The following ZNF423 variants were observed in gnomAD, a reference collection of about 807,000 sequenced individuals.
ZNF423 encodes the protein Ebf-associated zinc finger protein.
ZNF423 carries 12 observed loss-of-function variants against 95.8 expected under a neutral mutation model. The ratio of observed to expected loss-of-function variants is 0.13; its 90% CI spans 0.08 to 0.20. The LOEUF (loss-of-function observed/expected upper bound fraction) is 0.20, where lower values mean the gene tolerates loss of function less well. ZNF423 is among the 10% of genes least tolerant of loss of function. The pLI is 1.00. For synonymous variants in ZNF423, 749 were observed against 711.9 expected (o/e 1.05, Z -0.83); for missense variants, 1,316 against 1,737.1 (o/e 0.76, Z 4.31).
At chr16:49,521,477 G>A (rs1314097342) in intron 7 of ZNF423, among the ~76,000 whole-genome samples, 1 of 152,170 alleles carries the variant, frequency 6.6e-6, no homozygotes, top group Admixed American at 6.5e-5. Flanking sequence ...CACGAGCAGG[G>A]AGGCTTCTTG....
chr16:49,798,704 G>A (rs370861253), intron 1 of ZNF423, among the ~76,000 whole-genome samples: 2 of 152,094 alleles, frequency 1.3e-5, no homozygotes, highest in African/African-American at 2.4e-5. Flanking sequence ...TCTCCACGTC[G>A]GCGCTTGTAT....
chr16:49,565,942 T>C (rs1597111356), intron 5 of ZNF423, among the ~76,000 whole-genome samples: 2 of 150,122 alleles, frequency 1.3e-5, no homozygotes, highest in Non-Finnish European at 3.0e-5. Flanking sequence ...AGGGGAGGGG[T>C]GATAGGAACA....
At chr16:49,620,644 C>T (rs1972042448) in intron 5 of ZNF423, among the ~76,000 whole-genome samples, 1 of 152,158 alleles carries the variant, frequency 6.6e-6, no homozygotes, top group Admixed American at 6.5e-5. Context: ...CCAGCCCTGA[C>T]CCTCCCCGGG....
At chr16:49,574,101 A>T (rs79887054) in intron 5 of ZNF423, among the ~76,000 whole-genome samples, 2 of 152,350 alleles carry the variant, frequency 1.3e-5, no homozygotes, top group East Asian at 3.9e-4. Context: ...CAAAGATTAC[A>T]GGCTGGGTGC....
Position 49,730,805 on chromosome 16 carries a change from G to T in ZNF423, c.267C>A (p.Asp89Glu), listed in dbSNP as rs750675439. Residue 89 changes from aspartate (D) to glutamate (E), a missense_variant, in exon 3 of 8, where the codon GAC becomes GAA. By Grantham distance (45) the Asp-to-Glu change is conservative (BLOSUM62 2). This residue lies in a region of ZNF423 where 155 missense variants were observed against 170.8 expected (regional missense o/e 0.91). Coordinates refer to ENST00000563137, the MANE Select transcript of ZNF423 (RefSeq NM_001379286.1). Reference sequence around the variant, plus strand: ...AGCGGTGGGCCCGGTGGTCCGTCAGGTCTGCCAGAGACTCGAAGTCCTGCT... The same window carrying T: ...AGCGGTGGGCCCGGTGGTCCGTCAGTTCTGCCAGAGACTCGAAGTCCTGCT... ...HCQQDFESLA[D>E]LTDHRAHRCP... 24 of 1,614,040 alleles carry T rather than the reference G, an allele frequency of 1.5e-5. No homozygotes were observed. The South Asian group carries it at 1.6e-4, about 11-fold the overall frequency.
chr16:49,664,089 A>G (rs1196573933), intron 3 of ZNF423: 1 of 985,058 alleles, frequency 1.0e-6, no homozygotes, highest in Non-Finnish European at 1.2e-6. Flanking sequence ...GCCTCCGCTT[A>G]CCTTTCCCCC....
At chr16:49,612,808 A>C (rs1004966154) in intron 5 of ZNF423, among the ~76,000 whole-genome samples, 1 of 152,194 alleles carries the variant, frequency 6.6e-6, no homozygotes, top group Non-Finnish European at 1.5e-5. Context: ...AAATTCCTAC[A>C]ACTAAGTTGA....
intron 5 of ZNF423, among the ~76,000 whole-genome samples, chr16:49,595,682 T>C (rs1179696430): frequency 6.6e-6 from 1 of 152,146 alleles, no homozygotes; most frequent in Non-Finnish European, 1.5e-5. Flanking sequence ...TCCACCAAAA[T>C]AGCACCAAAC....
At chr16:49,571,080 C>A (rs1485103345) in intron 5 of ZNF423, among the ~76,000 whole-genome samples, 1 of 152,220 alleles carries the variant, frequency 6.6e-6, no homozygotes, top group East Asian at 1.9e-4. Context: ...GCTTTTCCAA[C>A]AAGGTGCTGA....
chr16:49,538,683 A>G (rs1419735477), intron 5 of ZNF423, among the ~76,000 whole-genome samples: 1 of 152,158 alleles, frequency 6.6e-6, no homozygotes, highest in African/African-American at 2.4e-5. Flanking sequence ...CTGCACTCAC[A>G]GGGCCTCACT....
At chr16:49,532,870 C>T (rs1471182773) in intron 5 of ZNF423, among the ~76,000 whole-genome samples, 2 of 152,220 alleles carry the variant, frequency 1.3e-5, no homozygotes, top group Non-Finnish European at 2.9e-5. Context: ...TTCCACAATG[C>T]TGTCGACACC....
At chr16:49,766,648 G>A (rs2033934621) in intron 2 of ZNF423, among the ~76,000 whole-genome samples, 1 of 152,242 alleles carries the variant, frequency 6.6e-6, no homozygotes, top group African/African-American at 2.4e-5. Context: ...CTGAGCCGTG[G>A]GGAAGCTGCT....
At chr16:49,711,558 G>A (rs1329898005) in intron 3 of ZNF423, 9 of 152,068 alleles carry the variant, frequency 5.9e-5, no homozygotes, top group Admixed American at 5.9e-4. Context: ...CACCGTGGAT[G>A]GTAAAATGCA....
At chr16:49,848,772 G>T (rs771613663) in intron 1 of ZNF423, among the ~76,000 whole-genome samples, 3 of 152,078 alleles carry the variant, frequency 2.0e-5, no homozygotes, top group Non-Finnish European at 4.4e-5. Flanking sequence ...TAACTTCGGG[G>T]GCCCACAATT....
intron 5 of ZNF423, among the ~76,000 whole-genome samples, chr16:49,533,094 C>G (rs1395241051): frequency 1.3e-5 from 2 of 152,298 alleles, no homozygotes; most frequent in East Asian, 3.9e-4. Flanking sequence ...GGTCCAGGCC[C>G]ACCAAGGGAC....
chr16:49,618,463 A>G (rs987236472), intron 5 of ZNF423, among the ~76,000 whole-genome samples: 5 of 152,176 alleles, frequency 3.3e-5, no homozygotes, highest in South Asian at 2.1e-4. Context: ...GGTTTCCCCA[A>G]TGCTGTTCTC....
At chr16:49,510,850 CCA>C (rs1567432998) in intron 7 of ZNF423, among the ~76,000 whole-genome samples, 1 of 152,218 alleles carries the variant, frequency 6.6e-6, no homozygotes, top group African/African-American at 2.4e-5. Flanking sequence ...GTTCGGCTCG[CCA>C]CACACACAAT....
In ZNF423 at chr16:49,523,672, G is replaced by A. The variant is rs773714654; in HGVS notation, c.3801C>T (p.Tyr1267=). The A allele has an allele frequency of 2.0e-5, 33 of 1,614,174 alleles. No homozygotes were observed. Among genetic ancestry groups the A allele is most frequent in the South Asian group, 3.3e-5 (3 of 91,086 alleles). The change falls in exon 7 of 8, where the codon TAC becomes TAT. Residue 1267 remains tyrosine (Y), a synonymous_variant. Coordinates refer to ENST00000563137, the MANE Select transcript of ZNF423 (RefSeq NM_001379286.1). ...FAVHGQEDKI[Y]DCSQCPQKFF... ...ACTTCTGAGGGCACTGTGAGCAGTC[G>A]TAGATCTTGTCCTCCTGCCCGTGCA...
Position 49,530,381 on chromosome 16 carries a change from A to G in ZNF423, c.3602-4887T>C, listed in dbSNP as rs546067227. 1.2e-4 allele frequency among the ~76,000 whole-genome samples: 19 copies of G among 152,098 alleles called. No individual in the cohort carries two copies. In the South Asian group the frequency reaches 3.7e-3, roughly 30 times the overall value. ...CACCTGGCCCACCTTTAATTCCTGG[A>G]TAGCGCTTACTACCACCTGGTATAT... On this transcript the variant is annotated intron_variant, in intron 5 of 7. Coordinates refer to ENST00000563137, the MANE Select transcript of ZNF423 (RefSeq NM_001379286.1).
Sources: gnomAD v4.1 joint callset for allele counts (sites outside exome capture counted in the v4.1 genomes callset) on GRCh38, gnomAD v4.1.1 for gene constraint, gnomAD v4.1.1 regional missense constraint, MANE v1.5 for transcripts, NCBI Gene and HGNC (gene_info 2026-07-23, HGNC 2026-07-21) for gene names.